The following DPY19L2 variants were observed in gnomAD, a reference collection of about 807,000 sequenced individuals.
DPY19L2 encodes the protein probable C-mannosyltransferase DPY19L2.
Under a neutral mutation model 97.9 loss-of-function variants are expected in DPY19L2, and 34 were observed. That is an observed-to-expected ratio of 0.35 (90% confidence interval 0.26 to 0.46). The LOEUF (loss-of-function observed/expected upper bound fraction) is 0.46. Among genes scored for constraint, DPY19L2 ranks in the 20% least tolerant of loss-of-function variants. The pLI is 1.00. For synonymous variants in DPY19L2, 230 were observed against 307.9 expected (o/e 0.75, Z 2.65); for missense variants, 623 against 911.4 (o/e 0.68, Z 4.07).
intron 13 of DPY19L2, 94 bp from the exon 14 acceptor site, chr12:63,598,004 A>T: frequency 1.0e-6 from 1 of 970,120 alleles, no homozygotes; most frequent in Admixed American, 3.2e-5. Context: ...AACAAAGTTT[A>T]TAGAGCAGAT....
At chr12:63,598,955 T>C (rs1468380611) in intron 13 of DPY19L2, among the ~76,000 whole-genome samples, 2 of 151,536 alleles carry the variant, frequency 1.3e-5, no homozygotes, top group Non-Finnish European at 2.9e-5. Context: ...GGCGGATCAC[T>C]TGAGGTCAGG....
chr12:63,636,288 G>A (rs1041426512), intron 6 of DPY19L2, among the ~76,000 whole-genome samples: 1 of 152,108 alleles, frequency 6.6e-6, no homozygotes, highest in African/African-American at 2.4e-5. Context: ...CACTAAATAT[G>A]GAAAGGAACA....
rs1882016683 is a variant in DPY19L2 at position 63,587,574 on chromosome 12, T to C, written c.1581-3738A>G. Among the ~76,000 whole-genome samples the C allele has an allele frequency of 2.0e-5, 3 of 146,500 alleles. No individual in the cohort carries two copies. The South Asian group carries it at 6.4e-4, about 31-fold the overall frequency. ...TTTTTAAAAATTATTATTATTATTA[T>C]TATTATTATTATTATTATTGAGACA... On this transcript the variant is annotated intron_variant, in intron 16 of 21. Transcript: ENST00000324472.
intron 6 of DPY19L2, among the ~76,000 whole-genome samples, chr12:63,636,194 G>T (rs1219172975): frequency 6.6e-6 from 1 of 152,056 alleles, no homozygotes; most frequent in Non-Finnish European, 1.5e-5. Context: ...ATAAGTGAAG[G>T]AGAAATAAAA....
chr12:63,630,092 G>A (rs1290855836), intron 6 of DPY19L2, among the ~76,000 whole-genome samples: 3 of 152,082 alleles, frequency 2.0e-5, no homozygotes, highest in Non-Finnish European at 2.9e-5. Flanking sequence ...GGAACAACTG[G>A]TACCAGCCAC....
rs61935033 is a variant in DPY19L2, at chr12:63,559,997, C to T, written c.*515G>A. ...AGGTATTAGAGATCTTTCTTAAGGG[C>T]TGGTAAAATAAAAACACCTTAAAAG... On this transcript the variant is annotated 3_prime_UTR_variant, in exon 22 of 22. Transcript: ENST00000324472. 12,004 of 152,220 alleles carry T rather than the reference C, an allele frequency of 0.079. 562 individuals carry two copies. Among genetic ancestry groups the T allele is most frequent in the Middle Eastern group, 0.15 (43 of 292 alleles). 9.4% of individuals were successfully genotyped at this position (152,220 alleles called of 1,614,324 possible).
chr12:63,633,773 A>C (rs947710241), intron 6 of DPY19L2, among the ~76,000 whole-genome samples: 4 of 152,196 alleles, frequency 2.6e-5, no homozygotes, highest in Admixed American at 2.0e-4. Flanking sequence ...ACGTATGTTT[A>C]TTGTGGCACT....
intron 19 of DPY19L2, among the ~76,000 whole-genome samples, chr12:63,578,351 A>C (rs1472126268): frequency 1.3e-5 from 2 of 152,162 alleles, no homozygotes; most frequent in East Asian, 3.8e-4. Flanking sequence ...AGGATGGTTA[A>C]TGTGCACAAA....
At chr12:63,564,950 A>G (rs1364859034) in intron 21 of DPY19L2, among the ~76,000 whole-genome samples, 2 of 152,204 alleles carry the variant, frequency 1.3e-5, no homozygotes, top group African/African-American at 2.4e-5. Context: ...CTCTTGAAAT[A>G]TAGATCCCTT....
chr12:63,591,575 TGATAC>T (rs1882920825), intron 16 of DPY19L2, among the ~76,000 whole-genome samples: 1 of 152,176 alleles, frequency 6.6e-6, no homozygotes, highest in Non-Finnish European at 1.5e-5. Flanking sequence ...TATGTGTGAC[TGATAC>T]GATACATTTT....
upstream of DPY19L2, chr12:63,668,688 C>G: frequency 2.5e-6 from 1 of 395,544 alleles, no homozygotes; most frequent in Non-Finnish European, 4.6e-6. Flanking sequence ...ACGCACAGCC[C>G]CCCACACCCT....
intron 16 of DPY19L2, 144 bp from the exon 17 acceptor site, chr12:63,583,980 A>T (rs1372554167): frequency 4.5e-5 from 27 of 601,878 alleles, no homozygotes; most frequent in Non-Finnish European, 7.7e-5. Context: ...AAATAAAAAT[A>T]TCAGATAATA....
chr12:63,563,774 A>T (rs1365333425), intron 21 of DPY19L2, among the ~76,000 whole-genome samples: 1 of 152,180 alleles, frequency 6.6e-6, no homozygotes, highest in African/African-American at 2.4e-5. Context: ...CTGACCTCAC[A>T]GAACCAGTTG....
intron 21 of DPY19L2, 101 bp from the exon 22 acceptor site, chr12:63,560,763 A>G: frequency 1.4e-6 from 2 of 1,449,608 alleles, no homozygotes; most frequent in Non-Finnish European, 1.9e-6. Flanking sequence ...TTTATTTCAT[A>G]AGTTAAATAT....
At chr12:63,641,901 C>G (rs1206581315) in intron 6 of DPY19L2, among the ~76,000 whole-genome samples, 1 of 152,054 alleles carries the variant, frequency 6.6e-6, no homozygotes, top group Non-Finnish European at 1.5e-5. Flanking sequence ...AATAGTTGTA[C>G]CAATTTATAT....
At chr12:63,581,384 C>A in intron 18 of DPY19L2, among the ~76,000 whole-genome samples, 1 of 151,500 alleles carries the variant, frequency 6.6e-6, no homozygotes, top group Non-Finnish European at 1.5e-5. Context: ...CTTATAGATT[C>A]TTCGAGCCAA....
chr12:63,630,745 C>G (rs955189789), intron 6 of DPY19L2, among the ~76,000 whole-genome samples: 1 of 152,040 alleles, frequency 6.6e-6, no homozygotes, highest in Non-Finnish European at 1.5e-5. Context: ...ACTCTCCATC[C>G]CAAATCAACA....
At chr12:63,659,686 G>T (rs1483685977) in intron 4 of DPY19L2, among the ~76,000 whole-genome samples, 3 of 152,046 alleles carry the variant, frequency 2.0e-5, no homozygotes, top group African/African-American at 7.2e-5. Context: ...AATTTTCAAC[G>T]ATTGTACCGA....
chr12:63,610,160 A>G (rs1886710173), intron 11 of DPY19L2, among the ~76,000 whole-genome samples: 1 of 151,938 alleles, frequency 6.6e-6, no homozygotes, highest in Non-Finnish European at 1.5e-5. Context: ...TATACATGTA[A>G]TAGTTATTAG....
Sources: gnomAD v4.1 joint callset for allele counts (sites outside exome capture counted in the v4.1 genomes callset) on GRCh38, gnomAD v4.1.1 for gene constraint, MANE v1.5 for transcripts, NCBI Gene and HGNC (gene_info 2026-07-23, HGNC 2026-07-21) for gene names.